PEPD: variants seen among roughly 807,000 people sequenced by gnomAD.
PEPD encodes the protein peptidase D.
Under a neutral mutation model 60.7 loss-of-function variants are expected in PEPD, and 53 were observed. That is an observed-to-expected ratio of 0.87 (90% CI 0.70 to 1.10). The LOEUF is 1.10. PEPD is among the 50% of genes least tolerant of loss of function. The pLI, the probability that PEPD is intolerant of heterozygous loss-of-function variation, is 0.00. For synonymous variants in PEPD, 267 were observed against 284.1 expected, an observed-to-expected ratio of 0.94 and a Z score of 0.60; for missense variants, 711 against 711.9, an observed-to-expected ratio of 1.00 and a Z score of 0.01.
At chr19:33,443,445 TATTC>T (rs1450418138) in intron 9 of PEPD, among the ~76,000 whole-genome samples, 20 of 152,240 alleles carry the variant, frequency 1.3e-4, no homozygotes, top group African/African-American at 4.1e-4. Context: ...CAAAAATTAT[TATTC>T]ATTTAAATTT....
Position 33,498,074 on chromosome 19 carries a change from G to A in PEPD, c.393+2864C>T, listed in dbSNP as rs549651769. On this transcript the variant is annotated intron_variant, in intron 4 of 14. Coordinates refer to ENST00000244137, the MANE Select transcript of PEPD (RefSeq NM_000285.4). ...TGCCCCGCTGTGTCCCTCCCGCAGC[G>A]GGAGGGCCAAGGGGCTCCAAGAGAG... Among the ~76,000 whole-genome samples the A allele has an allele frequency of 2.0e-5, 3 of 152,064 alleles. No homozygotes were observed. In the South Asian group the frequency reaches 6.2e-4, roughly 32 times the overall value.
intron 7 of PEPD, among the ~76,000 whole-genome samples, chr19:33,465,938 G>C (rs1437530119): frequency 1.3e-5 from 2 of 152,190 alleles, no homozygotes; most frequent in East Asian, 3.9e-4. Flanking sequence ...CCAGCAGAGA[G>C]AGAAGGGTAG....
At chr19:33,391,970 G>A (rs557070790) in intron 12 of PEPD, among the ~76,000 whole-genome samples, 44 of 152,344 alleles carry the variant, frequency 2.9e-4, no homozygotes, top group African/African-American at 9.9e-4. Context: ...GTGGTGCAGT[G>A]GGGAAGCCCG....
intron 7 of PEPD, among the ~76,000 whole-genome samples, chr19:33,472,745 A>C (rs78105483): frequency 1.8e-3 from 280 of 152,330 alleles, no homozygotes; most frequent in African/African-American, 6.5e-3. Context: ...TCAAAGTGGC[A>C]CCGTGTTGAA....
chr19:33,480,312 A>C (rs908504285), intron 6 of PEPD, among the ~76,000 whole-genome samples: 1 of 152,240 alleles, frequency 6.6e-6, no homozygotes, highest in African/African-American at 2.4e-5. Context: ...AAAGAAGGGC[A>C]TTTTATAACG....
At chr19:33,457,385 C>T (rs925687073) in intron 9 of PEPD, among the ~76,000 whole-genome samples, 91 of 152,266 alleles carry the variant, frequency 6.0e-4, no homozygotes, top group African/African-American at 2.1e-3. Flanking sequence ...AAGCAGAGAT[C>T]GCCCCAGAGG....
chr19:33,509,946 C>T (rs1970888893), intron 3 of PEPD, among the ~76,000 whole-genome samples: 1 of 152,224 alleles, frequency 6.6e-6, no homozygotes, highest in Admixed American at 6.5e-5. Flanking sequence ...AGGGCAGGAC[C>T]TGCGCTGCGT....
intron 9 of PEPD, among the ~76,000 whole-genome samples, chr19:33,453,198 C>G (rs1969728613): frequency 6.6e-6 from 1 of 152,138 alleles, no homozygotes; most frequent in Admixed American, 6.5e-5. Context: ...CTTCTAGTCC[C>G]AGCTACTCCA....
chr19:33,518,086 C>T (rs1971057218), intron 1 of PEPD, among the ~76,000 whole-genome samples: 1 of 152,196 alleles, frequency 6.6e-6, no homozygotes, highest in Non-Finnish European at 1.5e-5. Context: ...AGGCACCAGA[C>T]AGATGCTCAG....
At chr19:33,394,210 C>T (rs1362330134) in intron 12 of PEPD, among the ~76,000 whole-genome samples, 1 of 152,248 alleles carries the variant, frequency 6.6e-6, no homozygotes, top group Non-Finnish European at 1.5e-5. Context: ...ACTGCTTCCT[C>T]TCGGACGCGC....
intron 12 of PEPD, among the ~76,000 whole-genome samples, chr19:33,393,263 AGGGCCCG>A: frequency 9.0e-6 from 1 of 111,696 alleles, no homozygotes; most frequent in African/African-American, 3.4e-5. Flanking sequence ...GGCGTGGGGG[AGGGCCCG>A]GGGTCTGGGG....
At position 33,423,095 on chromosome 19, in the gene PEPD, TCATCCATC is replaced by T. The variant is rs56734200; in HGVS notation, c.672-9460_672-9453del. On this transcript the variant is annotated intron_variant, in intron 9 of 14. Coordinates refer to ENST00000244137, the MANE Select transcript of PEPD (RefSeq NM_000285.4). ...ATCAGCCTACATACTTACCTACTTA[TCATCCATC>T]CATCCATCCATCCATCCATCCATCT... Among the ~76,000 whole-genome samples, 30 of 147,458 alleles carry T rather than the reference TCATCCATC, an allele frequency of 2.0e-4. 1 individual carries two copies. Among genetic ancestry groups the T allele is most frequent in the South Asian group, 1.1e-3 (5 of 4,500 alleles).
intron 13 of PEPD, among the ~76,000 whole-genome samples, chr19:33,390,744 G>T (rs80241821): frequency 0.22 from 33,025 of 152,046 alleles, 4,376 homozygotes; most frequent in African/African-American, 0.38. Context: ...CTGCCAACGG[G>T]CCCCAGAATG....
Position 33,391,890 on chromosome 19 carries a change from A to G in PEPD, c.968-411T>C, listed in dbSNP as rs116093344. Among the ~76,000 whole-genome samples the G allele has an allele frequency of 3.1e-3, 468 of 152,062 alleles. 2 individuals carry two copies. The highest frequency in any genetic ancestry group is 0.011 in the African/African-American group (453 of 41,472). On this transcript the variant is annotated intron_variant, in intron 12 of 14. Transcript: ENST00000244137. ...TCTCCCCAGTAGCAGACACCAGGAGACTCTGTGGGCTCTGGCCCTGAGGCT... is the reference window on the plus strand; with the variant it reads ...TCTCCCCAGTAGCAGACACCAGGAGGCTCTGTGGGCTCTGGCCCTGAGGCT...
At chr19:33,417,476 G>A (rs181983519) in intron 9 of PEPD, among the ~76,000 whole-genome samples, 14 of 152,318 alleles carry the variant, frequency 9.2e-5, no homozygotes. Flanking sequence ...AGCCTTCTGG[G>A]ACTCAACACC....
At position 33,428,969 on chromosome 19, in the gene PEPD, T is replaced by A. The variant is rs8101943; in HGVS notation, c.672-15326A>T. Among the ~76,000 whole-genome samples the A allele has an allele frequency of 7.6e-3, 1,162 of 152,268 alleles. 17 individuals carry two copies. Among genetic ancestry groups the A allele is most frequent in the African/African-American group, 0.027 (1,121 of 41,528 alleles). On this transcript the variant is annotated intron_variant, in intron 9 of 14. Coordinates refer to ENST00000244137, the MANE Select transcript of PEPD (RefSeq NM_000285.4). ...CTGCCCAGGCAGCCCCGAGTGGAGA[T>A]CTAGCCCTGTGTTCACTCTGCTTCC...
intron 4 of PEPD, among the ~76,000 whole-genome samples, chr19:33,499,657 A>G (rs1395739962): frequency 4.6e-5 from 7 of 152,202 alleles, no homozygotes; most frequent in Admixed American, 4.6e-4. Flanking sequence ...GGGAAGGGGC[A>G]CCAGTGTGGG....
chr19:33,459,895 C>G (rs935066765), intron 9 of PEPD, among the ~76,000 whole-genome samples: 2 of 152,122 alleles, frequency 1.3e-5, no homozygotes, highest in African/African-American at 2.4e-5. Context: ...CTGAAGCCAG[C>G]CAGGCCCCCA....
At chr19:33,498,313 T>C (rs1970646687) in intron 4 of PEPD, among the ~76,000 whole-genome samples, 1 of 152,110 alleles carries the variant, frequency 6.6e-6, no homozygotes, top group Non-Finnish European at 1.5e-5. Context: ...ACAATCTGCT[T>C]TGTATACGAA....
Sources: allele counts gnomAD v4.1 joint callset (sites outside exome capture counted in the v4.1 genomes callset), GRCh38; gene constraint gnomAD v4.1.1; transcripts MANE v1.5; gene names NCBI Gene and HGNC (gene_info 2026-07-23, HGNC 2026-07-21).